Variants in PSMB6 observed in about 807,000 individuals in gnomAD.
The protein encoded by PSMB6 is proteasome subunit beta type-6.
Under a neutral mutation model 28.2 loss-of-function variants are expected in PSMB6, and 11 were observed. That is an observed-to-expected ratio of 0.39 (90% CI 0.25 to 0.65). PSMB6 has a LOEUF of 0.65. Among genes scored for constraint, PSMB6 ranks in the 30% least tolerant of loss-of-function variants. PSMB6 has a pLI of 0.48. For missense variants in PSMB6, 268 were observed against 319.4 expected, an observed-to-expected ratio of 0.84 and a Z score of 1.23; for synonymous variants, 126 against 117.7, an observed-to-expected ratio of 1.07 and a Z score of -0.45.
Position 4,796,735 on chromosome 17 carries a change from T to C in PSMB6, c.110T>C (p.Ile37Thr), listed in dbSNP as rs1213363628. ...ESREVSTGTT[I>T]MAVQFDGGVV... ...CTTTTTCCCTTTTCCCAGACCACTATCATGGCCGTGCAGTTTGACGGGGGC... is the reference window on the plus strand; with the variant it reads ...CTTTTTCCCTTTTCCCAGACCACTACCATGGCCGTGCAGTTTGACGGGGGC... Residue 37 changes from isoleucine (I) to threonine (T), a missense_variant, in exon 2 of 6, where the codon ATC becomes ACC. By Grantham distance (89) the Ile-to-Thr change is moderately conservative. Transcript: ENST00000270586. 2 of 1,605,582 alleles carry C rather than the reference T, an allele frequency of 1.2e-6. No homozygotes were observed. Among genetic ancestry groups the C allele is most frequent in the African/African-American group, 2.7e-5 (2 of 74,692 alleles).
intron 5 of PSMB6, 42 bp downstream of exon 5, chr17:4,798,195 C>T: frequency 6.2e-7 from 1 of 1,613,286 alleles, no homozygotes. Flanking sequence ...TCAACCCCAA[C>T]TACCCAAGCC....
chr17:4,797,141 C>T, intron 2 of PSMB6: 1 of 431,396 alleles, frequency 2.3e-6, no homozygotes, highest in East Asian at 4.4e-5. Flanking sequence ...TGGCGAAACC[C>T]CGTCTCTACT....
chr17:4,796,917 A>G (rs1905347114), intron 2 of PSMB6, 122 bp downstream of exon 2: 2 of 859,920 alleles, frequency 2.3e-6, no homozygotes, highest in Non-Finnish European at 3.7e-6. Flanking sequence ...CTCTCTGGAG[A>G]TAAAGATTTG....
chr17:4,798,059 T>C lies in PSMB6; in HGVS notation c.483T>C (p.Ile161=), dbSNP rs779640016. ...GGMMVRQSFA[I]GGSGSSYIYG... ...TGATGGTAAGGCAGTCCTTTGCCAT[T>C]GGAGGCTCCGGGAGCTCCTACATCT... Residue 161 remains isoleucine (I), a synonymous_variant, in exon 5 of 6, where the codon ATT becomes ATC. Coordinates refer to ENST00000270586, the MANE Select transcript of PSMB6 (RefSeq NM_002798.3). 3.1e-6 allele frequency: 5 copies of C among 1,614,046 alleles called. No individual in the cohort carries two copies. The African/African-American group carries it at 5.3e-5, about 17-fold the overall frequency.
rs760599519 is a variant in PSMB6, at chr17:4,798,109, G to A, written c.533G>A (p.Arg178Gln). ...TATGGCTATGTTGATGCTACCTACCGGGAAGGCATGACCAAGGAAGAGTGT... is the reference window on the plus strand; with the variant it reads ...TATGGCTATGTTGATGCTACCTACCAGGAAGGCATGACCAAGGAAGAGTGT... ...YIYGYVDATY[R>Q]EGMTKEECLQ... Residue 178 changes from arginine to glutamine, a missense_variant, in exon 5 of 6, where the codon CGG becomes CAG. Coordinates refer to ENST00000270586, the MANE Select transcript of PSMB6 (RefSeq NM_002798.3). 6 of 1,614,026 alleles carry A rather than the reference G, an allele frequency of 3.7e-6. No homozygotes were observed. Among genetic ancestry groups the A allele is most frequent in the Non-Finnish European group, 5.1e-6 (6 of 1,180,032 alleles).
chr17:4,797,421 A>C lies in PSMB6; in HGVS notation c.171-17A>C, dbSNP rs1193526033. The C allele has an allele frequency of 6.5e-7, 1 of 1,541,894 alleles. No individual in the cohort carries two copies. The highest frequency in any genetic ancestry group is 1.3e-5 in the South Asian group (1 of 79,544). On this transcript the variant is annotated splice_polypyrimidine_tract_variant and intron_variant, in intron 2 of 5. Transcript: ENST00000270586. Reference sequence around the variant, plus strand: ...AGACAGGTGGGCTCCTTTCCTCACTATTCTGCCATCCTGCAGGTCCTACAT... The same window carrying C: ...AGACAGGTGGGCTCCTTTCCTCACTCTTCTGCCATCCTGCAGGTCCTACAT...
At chr17:4,796,444 G>A in intron 1 of PSMB6, 148 bp downstream of exon 1, 1 of 748,534 alleles carries the variant, frequency 1.3e-6, no homozygotes, top group Non-Finnish European at 2.2e-6. Context: ...CCCCGAAGAT[G>A]GTGGAGTGGT....
In PSMB6 at chr17:4,797,883, T is replaced by C; in HGVS notation, c.432+72T>C. On this transcript the variant is annotated intron_variant, in intron 4 of 5. Coordinates refer to ENST00000270586, the MANE Select transcript of PSMB6 (RefSeq NM_002798.3). ...CCTCTCCCCAGCCATTTTCTTTTTC[T>C]TTCCAGTCTCTACCTCACTTATTCT... The C allele has an allele frequency of 1.9e-6, 3 of 1,606,112 alleles. No homozygotes were observed. The South Asian group carries it at 3.3e-5, about 18-fold the overall frequency.
Position 4,796,219 on chromosome 17 carries a change from C to T in PSMB6, c.25C>T (p.Arg9Trp), listed in dbSNP as rs371587768. The T allele has an allele frequency of 4.1e-5, 65 of 1,590,894 alleles. No individual in the cohort carries two copies. In the African/African-American group the frequency reaches 7.9e-4, roughly 19 times the overall value. ...GATGGCGGCTACCTTACTAGCTGCT[C>T]GGGGAGCCGGGCCAGCACCGGCTTG... MAATLLAARGAGPAPAWGP... is the reference protein window; with the variant it reads MAATLLAAWGAGPAPAWGP... Residue 9 changes from arginine to tryptophan, a missense_variant, in exon 1 of 6, where the codon CGG becomes TGG. By Grantham distance (101) the Arg-to-Trp change is moderately radical. Coordinates refer to ENST00000270586, the MANE Select transcript of PSMB6 (RefSeq NM_002798.3).
rs1238040113 is a variant in PSMB6, at chr17:4,797,555, G to A, written c.288G>A (p.Gln96=). 5 of 1,599,160 alleles carry A rather than the reference G, an allele frequency of 3.1e-6. No homozygotes were observed. The highest frequency in any genetic ancestry group is 3.4e-5 in the Admixed American group (2 of 58,610). The part of the protein sequence containing the change: ...TQAVADAVTY[Q]LGFHSIELNE... ...CAGTAGCTGATGCTGTCACCTACCA[G>A]CTCGGTTTCCACAGGTGCTTGTGGG... is the stretch of plus-strand genomic sequence containing the variant. The change falls in exon 3 of 6, where the codon CAG becomes CAA. Residue 96 remains glutamine (Q), a synonymous_variant. Transcript: ENST00000270586.
chr17:4,797,648 T>C, intron 3 of PSMB6, 34 bp from the exon 4 acceptor site: 1 of 1,610,616 alleles, frequency 6.2e-7, no homozygotes, highest in Non-Finnish European at 8.5e-7. Context: ...TTCTAGGTCT[T>C]GAAACTTTCT....
chr17:4,797,381 T>C (rs1176996910), intron 2 of PSMB6, 57 bp from the exon 3 acceptor site: 1 of 1,514,558 alleles, frequency 6.6e-7, no homozygotes, highest in Non-Finnish European at 8.8e-7. Context: ...TGGGTAGTGA[T>C]GGGATGGAGG....
Position 4,797,758 on chromosome 17 carries a change from G to T in PSMB6, c.379G>T (p.Asp127Tyr). The T allele has an allele frequency of 6.2e-7, 1 of 1,614,170 alleles. No individual in the cohort carries two copies. Among genetic ancestry groups the T allele is most frequent in the Non-Finnish European group, 8.5e-7 (1 of 1,180,028 alleles). The change falls in exon 4 of 6, where the codon GAC becomes TAC. Residue 127 changes from aspartate (D) to tyrosine (Y), a missense_variant. Physicochemically the swap from Asp to Tyr is radical, Grantham distance 160 (BLOSUM62 -3). Coordinates refer to ENST00000270586, the MANE Select transcript of PSMB6 (RefSeq NM_002798.3). Reference sequence around the variant, plus strand: ...GGAGATGTGTTACCGATACCGGGAAGACCTGATGGCGGGAATCATCATCGC... The same window carrying T: ...GGAGATGTGTTACCGATACCGGGAATACCTGATGGCGGGAATCATCATCGC... ...FKEMCYRYRE[D>Y]LMAGIIIAGW... is the part of the protein sequence containing the mutation.
Position 4,796,809 on chromosome 17 carries a change from A to G in PSMB6, c.170+14A>G, listed in dbSNP as rs567434534. ...AACAACCACTGGGTGAGCTCAGGACAGATTTGTGAAAGGTCTTCCCATCTT... is the reference window on the plus strand; with the variant it reads ...AACAACCACTGGGTGAGCTCAGGACGGATTTGTGAAAGGTCTTCCCATCTT... On this transcript the variant is annotated intron_variant, in intron 2 of 5. Transcript: ENST00000270586. The G allele has an allele frequency of 7.6e-6, 12 of 1,578,992 alleles. No homozygotes were observed. The South Asian group carries it at 1.2e-4, about 16-fold the overall frequency.
At chr17:4,796,993 C>T (rs756052863) in intron 2 of PSMB6, 198 bp downstream of exon 2, 68 of 589,396 alleles carry the variant, frequency 1.2e-4, no homozygotes, top group Middle Eastern at 4.5e-4. Context: ...GTCTGTTCTC[C>T]AGCCCGCTTC....
intron 1 of PSMB6, 75 bp from the exon 2 acceptor site, chr17:4,796,653 G>C (rs1386878309): frequency 2.9e-6 from 4 of 1,357,086 alleles, no homozygotes; most frequent in African/African-American, 1.4e-5. Context: ...TTGTATTTTT[G>C]GAACTAGGTA....
chr17:4,796,640 A>C (rs1278745740), intron 1 of PSMB6, 88 bp from the exon 2 acceptor site: 5 of 1,265,370 alleles, frequency 4.0e-6, no homozygotes, highest in Non-Finnish European at 5.8e-6. Flanking sequence ...CGACGGACAG[A>C]TTTTGTATTT....
intron 1 of PSMB6, 24 bp from the exon 2 acceptor site, chr17:4,796,704 T>C: frequency 6.4e-7 from 1 of 1,560,778 alleles, no homozygotes; most frequent in African/African-American, 1.4e-5. Flanking sequence ...GAATGTAGAC[T>C]TACTCCTTTT....
Position 4,796,766 on chromosome 17 carries a change from T to C in PSMB6, c.141T>C (p.Val47=), listed in dbSNP as rs774881224. The stretch of plus-strand genomic sequence containing the variant: ...CCGTGCAGTTTGACGGGGGCGTGGT[T>C]CTGGGGGCGGACTCCAGAACAACCA... ...IMAVQFDGGV[V]LGADSRTTTG... Residue 47 remains valine, a synonymous_variant, in exon 2 of 6, where the codon GTT becomes GTC. Transcript: ENST00000270586. 3.7e-6 allele frequency: 6 copies of C among 1,609,874 alleles called. No individual in the cohort carries two copies. In the South Asian group the frequency reaches 4.4e-5, roughly 12 times the overall value.
Sources: gnomAD v4.1 joint callset for allele counts on GRCh38, gnomAD v4.1.1 for gene constraint, MANE v1.5 for transcripts, NCBI Gene and HGNC (gene_info 2026-07-23, HGNC 2026-07-21) for gene names.